CHD4: variants seen among roughly 807,000 people sequenced by gnomAD.
CHD4 encodes the protein ATP-dependent chromatin remodeler CHD4.
CHD4 carries 35 observed loss-of-function variants against 235.5 expected under a neutral mutation model. The ratio of observed to expected loss-of-function variants is 0.15; its 90% confidence interval spans 0.11 to 0.20. The LOEUF (loss-of-function observed/expected upper bound fraction) is 0.20, where lower values mean the gene tolerates loss of function less well. Ranked by LOEUF, CHD4 falls within the 10% of genes least tolerant of loss-of-function variation. The pLI is 1.00. For synonymous variants in CHD4, 900 were observed against 850.2 expected, an observed-to-expected ratio of 1.06 and a Z score of -1.02; for missense variants, 1,329 against 2,432.3, an observed-to-expected ratio of 0.55 and a Z score of 9.54.
chr12:6,593,476 C>G lies in CHD4; in HGVS notation c.2454G>C (p.Glu818Asp). Reference sequence around the variant, plus strand: ...CATTGTCTTCAAAGGAGAACTCATTCTCTCGGATGATGGCACGGCTGTCCT... The same window carrying G: ...CATTGTCTTCAAAGGAGAACTCATTGTCTCGGATGATGGCACGGCTGTCCT... Reference protein sequence around the residue: ...GDKDSRAIIRENEFSFEDNAI... With the variant: ...GDKDSRAIIRDNEFSFEDNAI... Residue 818 changes from glutamate to aspartate, a missense_variant, in exon 16 of 40, where the codon GAG becomes GAC. Glu to Asp is a conservative substitution (Grantham distance 45). This residue lies in a region of CHD4 where 78 missense variants were observed against 174.8 expected (regional missense o/e 0.45). Transcript: ENST00000544040. The surrounding 1 kb of genome is among the most constrained non-coding windows in gnomAD (Gnocchi z 4.9). 1 of 1,614,184 alleles carries G rather than the reference C, an allele frequency of 6.2e-7. No homozygotes were observed. The highest frequency in any genetic ancestry group is 8.5e-7 in the Non-Finnish European group (1 of 1,180,042).
chr12:6,602,339 T>G, intron 3 of CHD4, 37 bp downstream of exon 3: 1 of 1,610,910 alleles, frequency 6.2e-7, no homozygotes. Flanking sequence ...CCTCCCTTCT[T>G]CCTCTGATTC....
chr12:6,606,092 CA>C (rs1348625879), intron 2 of CHD4, among the ~76,000 whole-genome samples, 181 bp downstream of exon 2: 3 of 152,252 alleles, frequency 2.0e-5, no homozygotes, highest in African/African-American at 7.2e-5. Context: ...GCCCAGGAGG[CA>C]CATGGCTTCC....
Position 6,593,551 on chromosome 12 carries a change from C to T in CHD4, c.2379G>A (p.Glu793=). 1 of 1,614,156 alleles carries T rather than the reference C, an allele frequency of 6.2e-7. No individual in the cohort carries two copies. Among genetic ancestry groups the T allele is most frequent in the Admixed American group, 1.7e-5 (1 of 60,014 alleles). ...PLSTIINWER[E]FEMWAPDMYV... ...ACATGTCTGGAGCCCACATTTCAAA[C>T]TCCCGCTCCCAGTTGATGATGGTAG... Residue 793 remains glutamate, a synonymous_variant, in exon 16 of 40, where the codon GAG becomes GAA. Coordinates refer to ENST00000544040, the MANE Select transcript of CHD4 (RefSeq NM_001273.5). The surrounding 1 kb of genome is among the most constrained non-coding windows in gnomAD (Gnocchi z 4.9).
chr12:6,595,327 C>T lies in CHD4; in HGVS notation c.2121+7G>A, dbSNP rs752720902. ...AACAAACTACAGTCCCTTCCACCCC[C>T]ACTCACATCAACTGTTGGCGTTTCT... On this transcript the variant is annotated splice_region_variant and intron_variant, in intron 14 of 39. Coordinates refer to ENST00000544040, the MANE Select transcript of CHD4 (RefSeq NM_001273.5). 3 of 1,612,432 alleles carry T rather than the reference C, an allele frequency of 1.9e-6. No homozygotes were observed. The highest frequency in any genetic ancestry group is 1.1e-5 in the South Asian group (1 of 91,042).
chr12:6,591,407 C>T (rs1328182759), intron 22 of CHD4, 59 bp downstream of exon 22: 7 of 1,302,776 alleles, frequency 5.4e-6, no homozygotes, highest in Non-Finnish European at 6.5e-6. Flanking sequence ...CAAGAAGTTA[C>T]AGTCCAAAGA....
Position 6,582,257 on chromosome 12 carries a change from C to A in CHD4, c.4395G>T (p.Arg1465=). 6.3e-7 allele frequency: 1 copy of A among 1,592,282 alleles called. No homozygotes were observed. The highest frequency in any genetic ancestry group is 1.1e-5 in the South Asian group (1 of 89,280). Residue 1465 remains arginine, a synonymous_variant, in exon 30 of 40, where the codon CGG becomes CGT. Transcript: ENST00000544040. ...CATCTGCCCCCGGCTCACATAAATGCCGCATGAAAAGAGAGACATATGCCC... is the reference window on the plus strand; with the variant it reads ...CATCTGCCCCCGGCTCACATAAATGACGCATGAAAAGAGAGACATATGCCC... The part of the protein sequence containing the change: ...EFKAYVSLFM[R]HLCEPGADGA...
At chr12:6,589,390 G>A (rs1217971382) in intron 22 of CHD4, among the ~76,000 whole-genome samples, 5 of 152,152 alleles carry the variant, frequency 3.3e-5, no homozygotes, top group Admixed American at 2.6e-4. Flanking sequence ...AACTCAGCAG[G>A]CACCACCTTA....
intron 8 of CHD4, 25 bp downstream of exon 8, chr12:6,600,508 CA>C: frequency 1.9e-6 from 3 of 1,610,612 alleles, no homozygotes; most frequent in Non-Finnish European, 2.5e-6. Context: ...CTCATCCCAT[CA>C]CAAATATACA....
intron 19 of CHD4, 100 bp downstream of exon 19, chr12:6,592,293 T>C (rs905545975): frequency 1.4e-5 from 21 of 1,450,576 alleles, no homozygotes; most frequent in Non-Finnish European, 1.9e-5. Flanking sequence ...TGCTTGCTCC[T>C]GTCACCAGAT....
chr12:6,584,136 A>C (rs1489226474), intron 25 of CHD4: 1 of 152,210 alleles, frequency 6.6e-6, no homozygotes, highest in Non-Finnish European at 1.5e-5. Context: ...CTCAACATTT[A>C]CAGACTTTTT....
At chr12:6,591,432 G>A (rs1948398422) in intron 22 of CHD4, 34 bp downstream of exon 22, 4 of 1,533,212 alleles carry the variant, frequency 2.6e-6, no homozygotes, top group African/African-American at 1.4e-5. Flanking sequence ...AGCAAATGAG[G>A]ATTCCTGAAA....
rs754279009 is a variant in CHD4 at position 6,578,867 on chromosome 12, G to A, written c.4960C>T (p.Pro1654Ser). The change falls in exon 34 of 40, where the codon CCT (proline) becomes TCT (serine). Residue 1654 changes from proline to serine, a missense_variant. Physicochemically the swap from Pro to Ser is moderately conservative, Grantham distance 74. Transcript: ENST00000544040. ...VEEKSAIDLT[P>S]IVVEDKEEKK... ...CCACCTTTGTCTTCTACCACAATAG[G>A]GGTCAGATCTATTGCTGACTTTTCC... 2 of 1,614,000 alleles carry A rather than the reference G, an allele frequency of 1.2e-6. No individual in the cohort carries two copies. The highest frequency in any genetic ancestry group is 1.3e-5 in the African/African-American group (1 of 74,902).
chr12:6,581,253 T>G (rs776219606), intron 32 of CHD4, 38 bp downstream of exon 32: 1 of 1,613,500 alleles, frequency 6.2e-7, no homozygotes, highest in Admixed American at 1.7e-5. Context: ...ACTTACACAT[T>G]TGTCTTTAGT....
intron 13 of CHD4, 118 bp downstream of exon 13, chr12:6,595,888 T>G (rs1447953989): frequency 8.9e-7 from 1 of 1,124,002 alleles, no homozygotes; most frequent in Non-Finnish European, 1.2e-6. Context: ...AACCAGGAAG[T>G]CGGAGGTTGC....
intron 23 of CHD4, 150 bp downstream of exon 23, chr12:6,588,148 C>A: frequency 8.2e-7 from 1 of 1,223,858 alleles, no homozygotes. Context: ...GCTAACCAAA[C>A]TCTGGCTTAC....
chr12:6,594,245 C>A lies in CHD4; in HGVS notation c.2313+214G>T, dbSNP rs372617793. On this transcript the variant is annotated intron_variant, in intron 15 of 39. Coordinates refer to ENST00000544040, the MANE Select transcript of CHD4 (RefSeq NM_001273.5). ...TGCTAATCCTACCCAGGGCTCCATG[C>A]CCTCAAATCTTCCGCTGTGTACATG... Among the ~76,000 whole-genome samples, 4 of 152,308 alleles carry A rather than the reference C, an allele frequency of 2.6e-5. No individual in the cohort carries two copies. The South Asian group carries it at 8.3e-4, about 32-fold the overall frequency.
chr12:6,599,035 A>C (rs1026569756), intron 10 of CHD4, among the ~76,000 whole-genome samples: 10 of 152,242 alleles, frequency 6.6e-5, no homozygotes, highest in African/African-American at 2.2e-4. Context: ...TAACAGAGCC[A>C]GTAGTTAGAC....
At chr12:6,590,791 T>C (rs1408343502) in intron 22 of CHD4, among the ~76,000 whole-genome samples, 1 of 152,082 alleles carries the variant, frequency 6.6e-6, no homozygotes, top group Non-Finnish European at 1.5e-5. Context: ...GCCACTGCTC[T>C]CCAGCCTCGG....
In CHD4 at chr12:6,581,033, G is replaced by T; in HGVS notation, c.4909+11C>A. 1.2e-6 allele frequency: 2 copies of T among 1,612,290 alleles called. No homozygotes were observed. The highest frequency in any genetic ancestry group is 1.7e-6 in the Non-Finnish European group (2 of 1,179,576). The stretch of plus-strand genomic sequence containing the variant: ...CAAACAAACAAACAAAAAAAATGTG[G>T]ATACCTTTACCTTTGGGCTCTGTCT... On this transcript the variant is annotated intron_variant, in intron 33 of 39. Coordinates refer to ENST00000544040, the MANE Select transcript of CHD4 (RefSeq NM_001273.5).
Sources: gnomAD v4.1 joint callset for allele counts (sites outside exome capture counted in the v4.1 genomes callset) on GRCh38, gnomAD v4.1.1 for gene constraint, gnomAD v4.1.1 regional missense constraint, Gnocchi (gnomAD v3.1) non-coding constraint, MANE v1.5 for transcripts, NCBI Gene and HGNC (gene_info 2026-07-23, HGNC 2026-07-21) for gene names.